RNF175: variants seen among roughly 807,000 people sequenced by gnomAD.
RNF175 encodes ring finger protein 175.
In RNF175, 38 loss-of-function variants were observed where a neutral mutation model predicts 50.0. The ratio of observed to expected loss-of-function variants is 0.76; its 90% confidence interval spans 0.59 to 1.00. RNF175 has a LOEUF of 1.00. Ranked by LOEUF, RNF175 falls within the 50% of genes least tolerant of loss-of-function variation. The pLI, the probability that RNF175 is intolerant of heterozygous loss-of-function variation, is 0.00. For synonymous variants in RNF175, 155 were observed against 146.1 expected (o/e 1.06, Z -0.44); for missense variants, 388 against 409.6 (o/e 0.95, Z 0.46).
chr4:153,728,328 AG>A lies in RNF175; in HGVS notation c.279del (p.Leu94TyrfsTer5), dbSNP rs775691264. On this transcript the variant is annotated frameshift_variant, in exon 4 of 9. Transcript: ENST00000347063. LOFTEE classifies it high-confidence loss of function. ...CAGTATAATTTTATCGTGAAATATA[AG>A]GGGACAACCCACATCTGCAACAAGG... Reference protein sequence around the residue: ...LVTLLQMWVVPLYFTIKLYWW... With the variant: ...LVTLLQMWVVXLYFTIKLYWW... 1.9e-6 allele frequency: 3 copies of A among 1,613,676 alleles called. No individual in the cohort carries two copies. The African/African-American group carries it at 4.0e-5, about 22-fold the overall frequency.
chr4:153,750,468 G>A (rs777169652), intron 2 of RNF175, among the ~76,000 whole-genome samples: 8 of 152,180 alleles, frequency 5.3e-5, no homozygotes, highest in Non-Finnish European at 1.0e-4. Flanking sequence ...CTCAAGTTCA[G>A]TTTCTTTGAG....
At chr4:153,741,329 C>T (rs1273963985) in intron 3 of RNF175, among the ~76,000 whole-genome samples, 1 of 152,174 alleles carries the variant, frequency 6.6e-6, no homozygotes, top group Non-Finnish European at 1.5e-5. Flanking sequence ...CACTTTTCCC[C>T]TCCCCTGCTG....
intron 3 of RNF175, among the ~76,000 whole-genome samples, chr4:153,729,348 TAG>T (rs1345731179): frequency 2.0e-5 from 3 of 152,158 alleles, no homozygotes; most frequent in Non-Finnish European, 4.4e-5. Flanking sequence ...GGTTCAGTGG[TAG>T]AGTCTTATAA....
In RNF175 at chr4:153,712,414, A is replaced by C. The variant is rs866395603; in HGVS notation, c.866+61T>G. The stretch of plus-strand genomic sequence containing the variant: ...CAAAAACACTGAAACTTTTCATTGA[A>C]GAATATATCCCCAGAAACATTCAAG... On this transcript the variant is annotated intron_variant, in intron 8 of 8. Coordinates refer to ENST00000347063, the MANE Select transcript of RNF175 (RefSeq NM_173662.4). 307 of 1,082,238 alleles carry C rather than the reference A, an allele frequency of 2.8e-4. No homozygotes were observed. In the Middle Eastern group the frequency reaches 4.4e-3, roughly 15 times the overall value. 67.0% of individuals were successfully genotyped at this position (1,082,238 alleles called of 1,614,324 possible). A position where few individuals can be genotyped will look rare whatever the true frequency, so the allele number is the denominator to read the frequency against.
intron 7 of RNF175, chr4:153,714,985 T>C (rs1737811724): frequency 6.1e-6 from 1 of 165,122 alleles, no homozygotes; most frequent in East Asian, 1.7e-4. Context: ...TGTATCTTCT[T>C]CTAAAGACTG....
In RNF175 at chr4:153,728,334, CAACCCA is replaced by C; in HGVS notation, c.268_273del (p.Trp90_Val91del). 1.2e-6 allele frequency: 2 copies of C among 1,613,764 alleles called. No individual in the cohort carries two copies. The highest frequency in any genetic ancestry group is 2.2e-5 in the South Asian group (2 of 91,072). ...AATTTTATCGTGAAATATAAGGGGA[CAACCCA>C]CATCTGCAACAAGGTCACCAGCTGT... is the stretch of plus-strand genomic sequence containing the variant. On this transcript the variant is annotated inframe_deletion, in exon 4 of 9. Transcript: ENST00000347063.
At chr4:153,719,704 C>T (rs1738206984) in intron 6 of RNF175, among the ~76,000 whole-genome samples, 1 of 152,198 alleles carries the variant, frequency 6.6e-6, no homozygotes, top group African/African-American at 2.4e-5. Context: ...TCTTCTACTT[C>T]TTCAGATGCT....
chr4:153,726,621 G>A (rs377158312), intron 4 of RNF175, among the ~76,000 whole-genome samples: 15 of 152,334 alleles, frequency 9.8e-5, no homozygotes, highest in African/African-American at 3.4e-4. Flanking sequence ...CCCCTAGCCT[G>A]TAATGAAATC....
chr4:153,742,034 G>T (rs1319207533), intron 3 of RNF175, among the ~76,000 whole-genome samples: 1 of 152,106 alleles, frequency 6.6e-6, no homozygotes, highest in Admixed American at 6.5e-5. Context: ...ACCTTGGGAG[G>T]CCAGCCGAGG....
intron 3 of RNF175, among the ~76,000 whole-genome samples, chr4:153,734,589 A>G (rs1484825672): frequency 6.8e-6 from 1 of 146,082 alleles, no homozygotes; most frequent in Non-Finnish European, 1.5e-5. Flanking sequence ...AGTTTTAAGT[A>G]TATTTTGGAT....
intron 1 of RNF175, 74 bp downstream of exon 1, chr4:153,759,723 A>C: frequency 3.9e-6 from 4 of 1,028,882 alleles, no homozygotes; most frequent in Non-Finnish European, 5.4e-6. Context: ...CAGTCTGTGC[A>C]GCCTGCCCGG....
chr4:153,720,735 A>G (rs752674259), intron 5 of RNF175: 2 of 160,440 alleles, frequency 1.2e-5, no homozygotes, highest in Non-Finnish European at 2.8e-5. Flanking sequence ...ACCTGGGAAG[A>G]TTTAAAAGCA....
intron 1 of RNF175, among the ~76,000 whole-genome samples, chr4:153,754,893 C>T (rs775645265): frequency 1.1e-4 from 16 of 152,234 alleles, no homozygotes; most frequent in Non-Finnish European, 1.0e-4. Flanking sequence ...ACCCTGTTGA[C>T]ACCTAGATTT....
intron 6 of RNF175, among the ~76,000 whole-genome samples, chr4:153,719,262 A>G (rs1482310821): frequency 1.3e-5 from 2 of 152,244 alleles, no homozygotes; most frequent in Non-Finnish European, 2.9e-5. Context: ...AGCTCCATCC[A>G]AGTCCCTGCA....
intron 4 of RNF175, among the ~76,000 whole-genome samples, chr4:153,725,504 C>T (rs902375956): frequency 6.6e-5 from 10 of 152,172 alleles, no homozygotes; most frequent in African/African-American, 9.7e-5. Flanking sequence ...CTCAAACTTC[C>T]GCCAGCATTA....
chr4:153,757,302 C>A (rs532173078), intron 1 of RNF175, among the ~76,000 whole-genome samples: 1 of 152,276 alleles, frequency 6.6e-6, no homozygotes, highest in South Asian at 2.1e-4. Flanking sequence ...CCTCATCCCC[C>A]CACTGAATCC....
At chr4:153,749,749 G>C (rs1327331043) in intron 2 of RNF175, among the ~76,000 whole-genome samples, 1 of 152,110 alleles carries the variant, frequency 6.6e-6, no homozygotes, top group South Asian at 2.1e-4. Flanking sequence ...CCCATATCCA[G>C]ATCAATTAGA....
chr4:153,730,195 A>G (rs780974528), intron 3 of RNF175, among the ~76,000 whole-genome samples: 3 of 152,174 alleles, frequency 2.0e-5, no homozygotes, highest in Middle Eastern at 3.2e-3. Flanking sequence ...CTGTAATCCC[A>G]GCAGTTTGGG....
chr4:153,742,916 C>T (rs1362208406), intron 3 of RNF175, among the ~76,000 whole-genome samples: 2 of 151,468 alleles, frequency 1.3e-5, no homozygotes, highest in Non-Finnish European at 2.9e-5. Context: ...ACTATGTAGC[C>T]CCTTGTAGAA....
Sources: gnomAD v4.1 joint callset for allele counts (sites outside exome capture counted in the v4.1 genomes callset) on GRCh38, gnomAD v4.1.1 for gene constraint, MANE v1.5 for transcripts, NCBI Gene and HGNC (gene_info 2026-07-23, HGNC 2026-07-21) for gene names.